Variants in MDGA2 observed in about 807,000 individuals in gnomAD.
MDGA2 encodes MAM domain-containing glycosylphosphatidylinositol anchor protein 2.
MDGA2 carries 40 observed loss-of-function variants against 117.8 expected under a neutral mutation model. The ratio of observed to expected loss-of-function variants is 0.34; its 90% CI spans 0.26 to 0.44. The LOEUF is 0.44. MDGA2 is among the 20% of genes least tolerant of loss of function. MDGA2 has a pLI of 1.00. For missense variants in MDGA2, 1,123 were observed against 1,250.6 expected, an observed-to-expected ratio of 0.90 and a Z score of 1.54; for synonymous variants, 452 against 439.0, an observed-to-expected ratio of 1.03 and a Z score of -0.37.
chr14:47,403,996 A>T (rs1283883638), intron 1 of MDGA2, among the ~76,000 whole-genome samples: 1 of 152,072 alleles, frequency 6.6e-6, no homozygotes, highest in East Asian at 1.9e-4. Flanking sequence ...TCCACTCTTC[A>T]TCAAACTCAG....
At chr14:47,632,762 AG>A (rs199977628) in intron 1 of MDGA2, among the ~76,000 whole-genome samples, 5 of 147,340 alleles carry the variant, frequency 3.4e-5, no homozygotes, top group Non-Finnish European at 7.5e-5. Context: ...TTTTTTTTTG[AG>A]GGGGGGGCTC....
intron 2 of MDGA2, among the ~76,000 whole-genome samples, chr14:47,295,119 A>G (rs887871385): frequency 3.3e-5 from 5 of 152,222 alleles, no homozygotes; most frequent in Non-Finnish European, 7.3e-5. Context: ...AGTGGCTTTC[A>G]AAAATATTTT....
chr14:47,587,514 G>T (rs1196485768), intron 1 of MDGA2, among the ~76,000 whole-genome samples: 2 of 151,694 alleles, frequency 1.3e-5, no homozygotes, highest in Non-Finnish European at 2.9e-5. Context: ...TGTTAGGGAG[G>T]TCACTGGCTA....
At chr14:47,363,058 T>C (rs1352748060) in intron 1 of MDGA2, among the ~76,000 whole-genome samples, 2 of 152,162 alleles carry the variant, frequency 1.3e-5, no homozygotes, top group Non-Finnish European at 2.9e-5. Context: ...CTTTCCCTTA[T>C]GAATAGCTGA....
chr14:47,213,419 T>C (rs1489161818), intron 3 of MDGA2, among the ~76,000 whole-genome samples: 2 of 152,196 alleles, frequency 1.3e-5, no homozygotes, highest in African/African-American at 2.4e-5. Flanking sequence ...GATATGTGCA[T>C]TGAAGATTTA....
intron 9 of MDGA2, among the ~76,000 whole-genome samples, chr14:46,952,968 A>AAAAT (rs1202809741): frequency 2.6e-5 from 4 of 151,966 alleles, no homozygotes; most frequent in Non-Finnish European, 5.9e-5. Flanking sequence ...GTTTTCTAGG[A>AAAAT]AAATAAAGCC....
intron 1 of MDGA2, among the ~76,000 whole-genome samples, chr14:47,499,792 T>C (rs1363311542): frequency 6.6e-6 from 1 of 152,170 alleles, no homozygotes; most frequent in Non-Finnish European, 1.5e-5. Flanking sequence ...GGCACTGCGA[T>C]TCCATGCTTG....
At chr14:47,504,794 C>T (rs925823308) in intron 1 of MDGA2, among the ~76,000 whole-genome samples, 1 of 152,100 alleles carries the variant, frequency 6.6e-6, no homozygotes, top group African/African-American at 2.4e-5. Flanking sequence ...GGAAGTTCCA[C>T]ACAAAACTAA....
At chr14:47,284,901 T>G (rs529763401) in intron 2 of MDGA2, among the ~76,000 whole-genome samples, 2 of 152,128 alleles carry the variant, frequency 1.3e-5, no homozygotes, top group Non-Finnish European at 2.9e-5. Flanking sequence ...ATATTAAATA[T>G]AGTTTTTAGT....
chr14:47,605,427 G>A (rs1394611763), intron 1 of MDGA2, among the ~76,000 whole-genome samples: 1 of 152,180 alleles, frequency 6.6e-6, no homozygotes, highest in Non-Finnish European at 1.5e-5. Flanking sequence ...CAAGAGAGAT[G>A]TATAGACACA....
intron 8 of MDGA2, among the ~76,000 whole-genome samples, chr14:47,032,754 A>G (rs1888707424): frequency 6.6e-6 from 1 of 152,218 alleles, no homozygotes; most frequent in Admixed American, 6.5e-5. Flanking sequence ...GTACTCAGGA[A>G]TATTCTGGAG....
chr14:46,929,615 A>G (rs1457266298), intron 9 of MDGA2, among the ~76,000 whole-genome samples: 183 of 17,176 alleles, frequency 0.011, 4 homozygotes, highest in African/African-American at 0.04. Flanking sequence ...ATATATATAT[A>G]TATATATATA....
At chr14:47,186,592 G>T (rs1371220153) in intron 3 of MDGA2, among the ~76,000 whole-genome samples, 2 of 151,852 alleles carry the variant, frequency 1.3e-5, no homozygotes, top group East Asian at 1.9e-4. Flanking sequence ...AGGATTACAA[G>T]TAAGGAAACA....
chr14:47,361,647 T>C (rs1227434683), intron 1 of MDGA2, among the ~76,000 whole-genome samples: 1 of 152,078 alleles, frequency 6.6e-6, no homozygotes, highest in African/African-American at 2.4e-5. Flanking sequence ...TCTAATGGGC[T>C]TCAGAATGTG....
chr14:47,495,568 C>G (rs1360915872), intron 1 of MDGA2, among the ~76,000 whole-genome samples: 2 of 152,144 alleles, frequency 1.3e-5, no homozygotes, highest in Non-Finnish European at 2.9e-5. Context: ...TTATATACCC[C>G]CTATTTGCCA....
At chr14:47,491,086 G>A (rs1894159580) in intron 1 of MDGA2, among the ~76,000 whole-genome samples, 1 of 152,026 alleles carries the variant, frequency 6.6e-6, no homozygotes. Flanking sequence ...ACATGCCAAG[G>A]ACAAATGGAT....
At chr14:47,615,120 T>A (rs1186026444) in intron 1 of MDGA2, among the ~76,000 whole-genome samples, 1 of 152,138 alleles carries the variant, frequency 6.6e-6, no homozygotes, top group African/African-American at 2.4e-5. Context: ...ATTATTATTA[T>A]TATTTGCCTT....
At chr14:47,057,613 C>A (rs1340473056) in intron 7 of MDGA2, among the ~76,000 whole-genome samples, 1 of 150,128 alleles carries the variant, frequency 6.7e-6, no homozygotes, top group Non-Finnish European at 1.5e-5. Flanking sequence ...CTTTCCTTTT[C>A]TTTCCCTCCT....
At chr14:47,267,239 T>C (rs1887996477) in intron 2 of MDGA2, among the ~76,000 whole-genome samples, 2 of 151,992 alleles carry the variant, frequency 1.3e-5, no homozygotes, top group African/African-American at 4.8e-5. Context: ...AAATACACAG[T>C]TTTTAATCAT....
Sources: gnomAD v4.1 joint callset for allele counts (sites outside exome capture counted in the v4.1 genomes callset) on GRCh38, gnomAD v4.1.1 for gene constraint, MANE v1.5 for transcripts, NCBI Gene and HGNC (gene_info 2026-07-23, HGNC 2026-07-21) for gene names.